The following DENND4C variants were observed in gnomAD, a reference collection of about 807,000 sequenced individuals.
DENND4C encodes DENN domain containing 4C.
A neutral mutation model predicts 203.0 loss-of-function variants in DENND4C; 108 were observed. That is an observed-to-expected ratio of 0.53 (90% confidence interval 0.46 to 0.62). DENND4C has a LOEUF of 0.62. Among genes scored for constraint, DENND4C ranks in the 20% least tolerant of loss-of-function variants. The pLI, the probability that DENND4C is intolerant of heterozygous loss-of-function variation, is 0.00. For synonymous variants in DENND4C, 871 were observed against 792.4 expected, an observed-to-expected ratio of 1.10 and a Z score of -1.67; for missense variants, 2,481 against 2,301.2, an observed-to-expected ratio of 1.08 and a Z score of -1.60.
Position 19,336,875 on chromosome 9 carries a change from G to A in DENND4C, c.2881+43G>A, listed in dbSNP as rs146518570. 2.2e-3 allele frequency: 3,367 copies of A among 1,514,770 alleles called. 23 individuals carry two copies. In the Middle Eastern group the frequency reaches 0.023, roughly 10 times the overall value. The allele number at this position is 1,514,770 out of a possible 1,614,324, so 93.8% of individuals were successfully genotyped here. A position where few individuals can be genotyped will look rare whatever the true frequency, so the allele number is the denominator to read the frequency against. ...TTACTAACCCTTCACTTACTCTCAT[G>A]TTAAATCTTTCCTTTTTCAAAAAGC... On this transcript the variant is annotated intron_variant, in intron 20 of 32. Coordinates refer to ENST00000434457, the MANE Select transcript of DENND4C (RefSeq NM_001330640.2).
intron 10 of DENND4C, among the ~76,000 whole-genome samples, chr9:19,313,451 A>G (rs1237184394): frequency 6.6e-6 from 1 of 152,232 alleles, no homozygotes; most frequent in African/African-American, 2.4e-5. Context: ...ACAGATAGTA[A>G]ACGTCAGGGC....
chr9:19,263,372 T>C (rs555470951), intron 1 of DENND4C, among the ~76,000 whole-genome samples: 1 of 152,190 alleles, frequency 6.6e-6, no homozygotes, highest in Admixed American at 6.6e-5. Flanking sequence ...ATTTGTTTTT[T>C]TGAGACAGAG....
intron 31 of DENND4C, among the ~76,000 whole-genome samples, chr9:19,370,700 C>G (rs143540412): frequency 3.9e-5 from 6 of 152,314 alleles, no homozygotes; most frequent in African/African-American, 1.4e-4. Context: ...ACGCAGTGAA[C>G]TACAAAGGAT....
chr9:19,241,922 G>A (rs1233030954), intron 1 of DENND4C, among the ~76,000 whole-genome samples: 1 of 151,992 alleles, frequency 6.6e-6, no homozygotes, highest in Non-Finnish European at 1.5e-5. Context: ...TGGGTGTGGT[G>A]GCTCATGCTT....
intron 1 of DENND4C, among the ~76,000 whole-genome samples, chr9:19,260,857 T>G (rs576472645): frequency 3.8e-4 from 58 of 152,266 alleles, no homozygotes; most frequent in African/African-American, 1.3e-3. Context: ...TTACCTATGC[T>G]TTTGGGGTCG....
At chr9:19,243,078 A>G (rs944663893) in intron 1 of DENND4C, among the ~76,000 whole-genome samples, 6 of 152,164 alleles carry the variant, frequency 3.9e-5, no homozygotes, top group Non-Finnish European at 7.3e-5. Flanking sequence ...CATTAGCATA[A>G]TCTAATTTTA....
chr9:19,301,388 C>G (rs1317924841), intron 9 of DENND4C, among the ~76,000 whole-genome samples: 1 of 152,138 alleles, frequency 6.6e-6, no homozygotes, highest in Non-Finnish European at 1.5e-5. Context: ...CCTGTATTTT[C>G]AGCACTTGTT....
intron 12 of DENND4C, among the ~76,000 whole-genome samples, chr9:19,320,867 C>G (rs1275934207): frequency 7.2e-5 from 11 of 152,140 alleles, no homozygotes; most frequent in Admixed American, 2.6e-4. Flanking sequence ...GAAAGAAAGC[C>G]TTTCATTATA....
Position 19,346,435 on chromosome 9 carries a change from A to G in DENND4C, c.3666A>G (p.Thr1222=), listed in dbSNP as rs1221422451. Reference sequence around the variant, plus strand: ...GTAATCAGTCCAGAGACTTGAAAACAGTATCCAAAGATCTGAGGAATAAGA... The same window carrying G: ...GTAATCAGTCCAGAGACTTGAAAACGGTATCCAAAGATCTGAGGAATAAGA... ...SNSNQSRDLK[T]VSKDLRNKRS... is the part of the protein sequence containing the mutation. Residue 1222 remains threonine (T), a synonymous_variant, in exon 23 of 33, where the codon ACA becomes ACG. Coordinates refer to ENST00000434457, the MANE Select transcript of DENND4C (RefSeq NM_001330640.2). 5 of 1,614,206 alleles carry G rather than the reference A, an allele frequency of 3.1e-6. No homozygotes were observed. Among genetic ancestry groups the G allele is most frequent in the Non-Finnish European group, 4.2e-6 (5 of 1,180,022 alleles).
At chr9:19,283,332 A>G (rs1173078504) in intron 2 of DENND4C, among the ~76,000 whole-genome samples, 3 of 152,120 alleles carry the variant, frequency 2.0e-5, no homozygotes, top group Non-Finnish European at 2.9e-5. Context: ...GTCTTCTATG[A>G]TAAGAATGCC....
chr9:19,306,478 G>C (rs181336780), intron 10 of DENND4C, among the ~76,000 whole-genome samples: 1 of 152,184 alleles, frequency 6.6e-6, no homozygotes. Flanking sequence ...TGAACAACTT[G>C]CATGAATTAG....
At chr9:19,304,751 T>G (rs554515123) in intron 9 of DENND4C, among the ~76,000 whole-genome samples, 3 of 148,908 alleles carry the variant, frequency 2.0e-5, no homozygotes, top group African/African-American at 4.9e-5. Flanking sequence ...GGGTTTCACC[T>G]TGTTAGCCAG....
Position 19,288,576 on chromosome 9 carries a change from A to G in DENND4C, c.559-20A>G. 2 of 1,226,974 alleles carry G rather than the reference A, an allele frequency of 1.6e-6. No homozygotes were observed. The highest frequency in any genetic ancestry group is 2.0e-6 in the Non-Finnish European group (2 of 983,472). The allele number at this position is 1,226,974 out of a possible 1,614,324, so 76.0% of individuals were successfully genotyped here. A position where few individuals can be genotyped will look rare whatever the true frequency, so the allele number is the denominator to read the frequency against. ...TTTCACTCTTTTGTCTTTTTTATAAACCTAATTCATGTTTTACAGTGGGGT... is the reference window on the plus strand; with the variant it reads ...TTTCACTCTTTTGTCTTTTTTATAAGCCTAATTCATGTTTTACAGTGGGGT... On this transcript the variant is annotated intron_variant, in intron 3 of 32. Transcript: ENST00000434457.
chr9:19,243,602 G>A (rs538368988), intron 1 of DENND4C, among the ~76,000 whole-genome samples: 38 of 152,048 alleles, frequency 2.5e-4, no homozygotes, highest in Admixed American at 1.7e-3. Flanking sequence ...CCTACAAGTG[G>A]ACTTAGGCAA....
intron 17 of DENND4C, 41 bp from the exon 18 acceptor site, chr9:19,334,936 T>G (rs760433800): frequency 2.2e-5 from 34 of 1,540,154 alleles, no homozygotes; most frequent in Non-Finnish European, 2.9e-5. Flanking sequence ...ACAGATAGAT[T>G]AGTATACTAA....
chr9:19,264,163 G>T (rs983300854), intron 1 of DENND4C, among the ~76,000 whole-genome samples: 14 of 152,102 alleles, frequency 9.2e-5, no homozygotes, highest in African/African-American at 3.4e-4. Flanking sequence ...TCTTACTACT[G>T]CTTCAATCTC....
At chr9:19,367,047 G>C (rs2132301136) in intron 30 of DENND4C, among the ~76,000 whole-genome samples, 1 of 152,320 alleles carries the variant, frequency 6.6e-6, no homozygotes, top group East Asian at 1.9e-4. Flanking sequence ...CTGTAAATCA[G>C]TAGTTCTTCA....
At chr9:19,321,701 G>A (rs1025052477) in intron 12 of DENND4C, among the ~76,000 whole-genome samples, 4 of 151,400 alleles carry the variant, frequency 2.6e-5, no homozygotes, top group African/African-American at 9.7e-5. Flanking sequence ...AAAAATTAGC[G>A]CATGCCTGTA....
intron 25 of DENND4C, 85 bp from the exon 26 acceptor site, chr9:19,352,405 A>T: frequency 7.3e-7 from 1 of 1,366,358 alleles, no homozygotes; most frequent in Non-Finnish European, 9.9e-7. Flanking sequence ...CAGTAGAATA[A>T]AAAAAATCCC....
Sources: gnomAD v4.1 joint callset for allele counts (sites outside exome capture counted in the v4.1 genomes callset) on GRCh38, gnomAD v4.1.1 for gene constraint, MANE v1.5 for transcripts, NCBI Gene and HGNC (gene_info 2026-07-23, HGNC 2026-07-21) for gene names.